The following PTPN3 variants were observed in gnomAD, a reference collection of about 807,000 sequenced individuals.
PTPN3 encodes the protein protein tyrosine phosphatase non-receptor type 3, also known as tyrosine-protein phosphatase non-receptor type 3.
In PTPN3, 96 loss-of-function variants were observed where a neutral mutation model predicts 132.7. That is an observed-to-expected ratio of 0.72 (90% confidence interval 0.61 to 0.86). The LOEUF is 0.86. Ranked by LOEUF, PTPN3 falls within the 40% of genes least tolerant of loss-of-function variation. The pLI is 0.00. For missense variants in PTPN3, 1,125 were observed against 1,159.6 expected (o/e 0.97, Z 0.43); for synonymous variants, 398 against 429.0 (o/e 0.93, Z 0.89).
At chr9:109,394,615 G>C (rs1047230210) in intron 19 of PTPN3, among the ~76,000 whole-genome samples, 2 of 151,812 alleles carry the variant, frequency 1.3e-5, no homozygotes, top group Non-Finnish European at 2.9e-5. Context: ...GCTAATTTTT[G>C]TATTTTTATT....
chr9:109,419,176 C>T (rs1381711302), intron 14 of PTPN3, among the ~76,000 whole-genome samples: 5 of 152,188 alleles, frequency 3.3e-5, no homozygotes, highest in African/African-American at 1.2e-4. Context: ...GAAAGAATGA[C>T]CACAGGGATT....
intron 6 of PTPN3, 69 bp from the exon 7 acceptor site, chr9:109,445,361 GCGTAGTAACACATGT>G: frequency 7.4e-7 from 1 of 1,342,642 alleles, no homozygotes. Context: ...GACAGATCAT[GCGTAGTAACACATGT>G]CTTTCTTTGC....
At chr9:109,457,052 G>A (rs1845603126) in intron 4 of PTPN3, 121 bp downstream of exon 4, 1 of 1,021,944 alleles carries the variant, frequency 9.8e-7, no homozygotes, top group African/African-American at 1.6e-5. Context: ...GCTCACTCAT[G>A]ACTCCTGGAC....
chr9:109,460,216 G>T (rs1405904018), intron 2 of PTPN3, among the ~76,000 whole-genome samples: 2 of 152,110 alleles, frequency 1.3e-5, no homozygotes, highest in African/African-American at 4.8e-5. Context: ...TTCACCTTGA[G>T]GCCTCCTGTT....
Position 109,431,169 on chromosome 9 carries a change from G to A in PTPN3, c.764+1904C>T, listed in dbSNP as rs888218580. Among the ~76,000 whole-genome samples, 7 of 152,318 alleles carry A rather than the reference G, an allele frequency of 4.6e-5. No individual in the cohort carries two copies. In the East Asian group the frequency reaches 5.8e-4, roughly 13 times the overall value. On this transcript the variant is annotated intron_variant, in intron 10 of 25. Coordinates refer to ENST00000374541, the MANE Select transcript of PTPN3 (RefSeq NM_002829.4). ...GTGAGGGAGGCTTCAGCAGGACTGT[G>A]GGTGAGCCTGGGGGTTGGAGAGTCC...
chr9:109,448,752 AT>A, intron 6 of PTPN3, 58 bp downstream of exon 6: 1 of 1,484,724 alleles, frequency 6.7e-7, no homozygotes, highest in Middle Eastern at 1.7e-4. Context: ...CACTCATTAG[AT>A]TAAAACCAGG....
At chr9:109,453,122 T>C (rs940746494) in intron 5 of PTPN3, among the ~76,000 whole-genome samples, 1 of 152,136 alleles carries the variant, frequency 6.6e-6, no homozygotes, top group African/African-American at 2.4e-5. Context: ...TAATAAAAAA[T>C]ACAGTCAAAT....
At chr9:109,518,204 G>A in the PTPN3 span, among the ~76,000 whole-genome samples, 1 of 152,326 alleles carries the variant, frequency 6.6e-6, no homozygotes, top group South Asian at 2.1e-4. Flanking sequence ...ACATTGACTG[G>A]AAAGAGTCAA....
At chr9:109,426,013 C>CAA (rs71372567) in intron 12 of PTPN3, among the ~76,000 whole-genome samples, 9 of 51,114 alleles carry the variant, frequency 1.8e-4, no homozygotes, top group East Asian at 1.6e-3. Flanking sequence ...GACTCCATCT[C>CAA]AAAAAAAAAA....
rs1838821037 is a variant in PTPN3 at position 109,379,260 on chromosome 9, CA to C, written c.*295del. 1 of 330,378 alleles carries C rather than the reference CA, an allele frequency of 3.0e-6. No individual in the cohort carries two copies. Among genetic ancestry groups the C allele is most frequent in the Non-Finnish European group, 5.5e-6 (1 of 180,280 alleles). 20.5% of individuals were successfully genotyped at this position (330,378 alleles called of 1,614,324 possible). On this transcript the variant is annotated 3_prime_UTR_variant, in exon 26 of 26. Transcript: ENST00000374541. ...GGTCTCAATTGCTCCAGGATGCCGACAGGGGTGTGTGTGGTGATGTTAGGGA... is the reference window on the plus strand; with the variant it reads ...GGTCTCAATTGCTCCAGGATGCCGACGGGGTGTGTGTGGTGATGTTAGGGA...
At chr9:109,400,209 T>C (rs1840970005) in intron 19 of PTPN3, among the ~76,000 whole-genome samples, 1 of 152,210 alleles carries the variant, frequency 6.6e-6, no homozygotes, top group African/African-American at 2.4e-5. Flanking sequence ...ATTAGAGGCA[T>C]GAGCCCTCAT....
At chr9:109,403,037 C>T (rs1841277287) in intron 19 of PTPN3, among the ~76,000 whole-genome samples, 1 of 152,166 alleles carries the variant, frequency 6.6e-6, no homozygotes, top group African/African-American at 2.4e-5. Context: ...AAGATGGCAC[C>T]ACTGCACTCC....
chr9:109,402,677 T>C (rs1407765418), intron 19 of PTPN3, among the ~76,000 whole-genome samples: 1 of 152,248 alleles, frequency 6.6e-6, no homozygotes. Context: ...AATATATCTA[T>C]TAGTTCTATT....
chr9:109,418,056 T>C (rs576087809), intron 14 of PTPN3, among the ~76,000 whole-genome samples: 1 of 152,224 alleles, frequency 6.6e-6, no homozygotes, highest in African/African-American at 2.4e-5. Flanking sequence ...TGTATTGGAC[T>C]ATGAAGGTCT....
At chr9:109,382,120 A>T (rs1839150782) in intron 24 of PTPN3, among the ~76,000 whole-genome samples, 182 bp downstream of exon 24, 1 of 152,246 alleles carries the variant, frequency 6.6e-6, no homozygotes, top group Non-Finnish European at 1.5e-5. Context: ...CTACATTCAC[A>T]AAGTTAGGAT....
chr9:109,385,460 C>T (rs1839499063), intron 22 of PTPN3, among the ~76,000 whole-genome samples: 2 of 152,144 alleles, frequency 1.3e-5, no homozygotes. Flanking sequence ...TTTACCTTGG[C>T]TTCAAAACAA....
intron 1 of PTPN3, among the ~76,000 whole-genome samples, chr9:109,477,719 T>G (rs1846752087): frequency 6.6e-6 from 1 of 152,238 alleles, no homozygotes; most frequent in Non-Finnish European, 1.5e-5. Context: ...GCTCTGGGTT[T>G]GGCCTGGGGC....
chr9:109,529,224 G>C, the PTPN3 span, among the ~76,000 whole-genome samples: 2 of 152,342 alleles, frequency 1.3e-5, no homozygotes, highest in Non-Finnish European at 2.9e-5. Context: ...AGGTCCAGCA[G>C]CTTCTCAAAG....
chr9:109,494,288 T>C (rs1847585654), intron 1 of PTPN3, among the ~76,000 whole-genome samples: 1 of 152,152 alleles, frequency 6.6e-6, no homozygotes, highest in Non-Finnish European at 1.5e-5. Context: ...TTGGGCAACA[T>C]AGTAAGACTT....
Sources: allele counts gnomAD v4.1 joint callset (sites outside exome capture counted in the v4.1 genomes callset), GRCh38; gene constraint gnomAD v4.1.1; transcripts MANE v1.5; gene names NCBI Gene and HGNC (gene_info 2026-07-23, HGNC 2026-07-21).